The following OLA1 variants were observed in gnomAD, a reference collection of about 807,000 sequenced individuals.
OLA1 encodes Obg like ATPase 1.
OLA1 carries 14 observed loss-of-function variants against 48.4 expected under a neutral mutation model. The observed-to-expected ratio is 0.29, with a 90% CI of 0.19 to 0.45. The LOEUF (loss-of-function observed/expected upper bound fraction) is 0.45. OLA1 is among the 20% of genes least tolerant of loss of function. OLA1 has a pLI of 1.00. For synonymous variants in OLA1, 127 were observed against 150.4 expected (o/e 0.84, Z 1.14); for missense variants, 325 against 467.1 (o/e 0.70, Z 2.80).
At chr2:174,226,735 G>A (rs759067117) in intron 3 of OLA1, among the ~76,000 whole-genome samples, 6 of 152,180 alleles carry the variant, frequency 3.9e-5, no homozygotes, top group Non-Finnish European at 8.8e-5. Context: ...TTGACCTCAG[G>A]TGATCTTCCC....
At chr2:174,082,500 A>G (rs1186438359) in intron 7 of OLA1, among the ~76,000 whole-genome samples, 1 of 152,142 alleles carries the variant, frequency 6.6e-6, no homozygotes, top group Non-Finnish European at 1.5e-5. Context: ...CTTCACAAAT[A>G]AATAATTTGT....
intron 7 of OLA1, among the ~76,000 whole-genome samples, chr2:174,088,551 A>G (rs1685033613): frequency 6.6e-6 from 1 of 152,218 alleles, no homozygotes; most frequent in African/African-American, 2.4e-5. Flanking sequence ...CTTTGAATAA[A>G]ATTATTAAAA....
At chr2:174,203,521 G>A (rs1160560863) in intron 4 of OLA1, among the ~76,000 whole-genome samples, 2 of 143,498 alleles carry the variant, frequency 1.4e-5, no homozygotes, top group African/African-American at 2.6e-5. Context: ...GGCTGATCTC[G>A]AACTCCTGGC....
At chr2:174,124,426 T>G (rs1373080387) in intron 5 of OLA1, 1 of 152,216 alleles carries the variant, frequency 6.6e-6, no homozygotes, top group Non-Finnish European at 1.5e-5. Flanking sequence ...CTCTGGCCTT[T>G]CTTCACAGAA....
chr2:174,175,129 T>C lies in OLA1; in HGVS notation c.374-33129A>G, dbSNP rs569097534. 2.6e-5 allele frequency among the ~76,000 whole-genome samples: 4 copies of C among 151,982 alleles called. No homozygotes were observed. The South Asian group carries it at 6.2e-4, about 24-fold the overall frequency. ...TAACTAGAAAGATGACAGGCCCGAATGTAAGAGCTAAAGTTATTTAAAATT... is the reference window on the plus strand; with the variant it reads ...TAACTAGAAAGATGACAGGCCCGAACGTAAGAGCTAAAGTTATTTAAAATT... On this transcript the variant is annotated intron_variant, in intron 4 of 10. Coordinates refer to ENST00000284719, the MANE Select transcript of OLA1 (RefSeq NM_013341.5).
chr2:174,177,503 T>C (rs1274099283), intron 4 of OLA1, among the ~76,000 whole-genome samples: 1 of 152,144 alleles, frequency 6.6e-6, no homozygotes, highest in Non-Finnish European at 1.5e-5. Flanking sequence ...CCATGTGCCA[T>C]TTTATCACAA....
chr2:174,161,277 T>C (rs1687005706), intron 4 of OLA1, among the ~76,000 whole-genome samples: 1 of 152,138 alleles, frequency 6.6e-6, no homozygotes, highest in Non-Finnish European at 1.5e-5. Flanking sequence ...AAACTAACAA[T>C]GTAAACATAA....
intron 3 of OLA1, 100 bp from the exon 4 acceptor site, chr2:174,223,260 A>G: frequency 1.7e-6 from 2 of 1,163,710 alleles, no homozygotes; most frequent in Non-Finnish European, 1.2e-6. Flanking sequence ...TTTCCTTTCT[A>G]GAACAATGGA....
chr2:174,197,213 G>C (rs1248285872), intron 4 of OLA1, among the ~76,000 whole-genome samples: 1 of 152,092 alleles, frequency 6.6e-6, no homozygotes, highest in Non-Finnish European at 1.5e-5. Context: ...CTCAGTGCTG[G>C]AGAAAACCTT....
intron 4 of OLA1, among the ~76,000 whole-genome samples, chr2:174,190,162 A>G (rs1193771404): frequency 6.6e-6 from 1 of 152,196 alleles, no homozygotes; most frequent in Non-Finnish European, 1.5e-5. Flanking sequence ...ATAAATAAGG[A>G]ACTAGTAAAA....
chr2:174,081,851 T>C (rs1375507307), intron 8 of OLA1, 73 bp downstream of exon 8: 18 of 1,382,284 alleles, frequency 1.3e-5, no homozygotes, highest in Non-Finnish European at 1.7e-5. Context: ...TATTATTCTA[T>C]CAGCGCAAGC....
In OLA1 at chr2:174,206,831, G is replaced by A. The variant is rs575989179; in HGVS notation, c.373+16202C>T. 5.9e-5 allele frequency among the ~76,000 whole-genome samples: 9 copies of A among 152,176 alleles called. No individual in the cohort carries two copies. In the South Asian group the frequency reaches 1.5e-3, roughly 25 times the overall value. On this transcript the variant is annotated intron_variant, in intron 4 of 10. Transcript: ENST00000284719. ...ATTGAATTTGTACTGAAGAAACAAAGAAAACATATGGTTTTTGGTCAGATT... is the reference window on the plus strand; with the variant it reads ...ATTGAATTTGTACTGAAGAAACAAAAAAAACATATGGTTTTTGGTCAGATT...
At chr2:174,188,748 T>C (rs959500161) in intron 4 of OLA1, among the ~76,000 whole-genome samples, 1 of 152,202 alleles carries the variant, frequency 6.6e-6, no homozygotes, top group Non-Finnish European at 1.5e-5. Flanking sequence ...TTTTGTTTCA[T>C]GCACAAAATT....
At chr2:174,152,236 G>A (rs529399533) in intron 4 of OLA1, among the ~76,000 whole-genome samples, 120 of 152,050 alleles carry the variant, frequency 7.9e-4, no homozygotes, top group African/African-American at 2.8e-3. Flanking sequence ...GTGAAACCCT[G>A]TCTTTACTAA....
At chr2:174,151,819 T>A (rs974098917) in intron 4 of OLA1, among the ~76,000 whole-genome samples, 1 of 152,178 alleles carries the variant, frequency 6.6e-6, no homozygotes, top group Admixed American at 6.5e-5. Flanking sequence ...ATAAATGACA[T>A]GACAAAAATT....
In OLA1 at chr2:174,226,186, G is replaced by A. The variant is rs1226676772; in HGVS notation, c.246-3026C>T. On this transcript the variant is annotated intron_variant, in intron 3 of 10. Transcript: ENST00000284719. ...TGCACTCCAGCCTGGGCGACAGAGC[G>A]AGACTCCGTCTCAAAAAAAAAAAAA... 5.6e-5 allele frequency among the ~76,000 whole-genome samples: 2 copies of A among 35,926 alleles called. 1 individual carries two copies. Among genetic ancestry groups the A allele is most frequent in the Non-Finnish European group, 1.1e-4 (2 of 17,930 alleles). The allele number at this position is 35,926 out of a possible 152,430, so 23.6% of individuals were successfully genotyped here.
intron 3 of OLA1, among the ~76,000 whole-genome samples, chr2:174,226,956 G>A (rs1441623971): frequency 6.6e-6 from 1 of 151,998 alleles, no homozygotes; most frequent in Non-Finnish European, 1.5e-5. Flanking sequence ...CAGGCACAGT[G>A]GCATGTGCCT....
chr2:174,242,060 A>G (rs1689016053), intron 2 of OLA1, among the ~76,000 whole-genome samples: 1 of 152,250 alleles, frequency 6.6e-6, no homozygotes, highest in African/African-American at 2.4e-5. Flanking sequence ...GAAGTATGGT[A>G]TGGCAGTTTA....
intron 7 of OLA1, among the ~76,000 whole-genome samples, chr2:174,121,871 A>G (rs905943613): frequency 6.6e-6 from 1 of 152,168 alleles, no homozygotes; most frequent in Non-Finnish European, 1.5e-5. Context: ...TTGGGCAAGG[A>G]AACTGACTCA....
Sources: gnomAD v4.1 joint callset for allele counts (sites outside exome capture counted in the v4.1 genomes callset) on GRCh38, gnomAD v4.1.1 for gene constraint, MANE v1.5 for transcripts, NCBI Gene and HGNC (gene_info 2026-07-23, HGNC 2026-07-21) for gene names.